Variants in LIPH observed in about 807,000 individuals in gnomAD.
LIPH encodes the protein lipase member H.
A neutral mutation model predicts 47.6 loss-of-function variants in LIPH; 32 were observed. That is an observed-to-expected ratio of 0.67 (90% confidence interval 0.51 to 0.90). LIPH has a LOEUF of 0.90. Among genes scored for constraint, LIPH ranks in the 40% least tolerant of loss-of-function variants. LIPH has a pLI of 0.00. For synonymous variants in LIPH, 190 were observed against 195.6 expected (o/e 0.97, Z 0.24); for missense variants, 497 against 541.4 (o/e 0.92, Z 0.81).
chr3:185,547,954 A>T (rs149921929), intron 1 of LIPH, among the ~76,000 whole-genome samples: 32 of 152,336 alleles, frequency 2.1e-4, no homozygotes, highest in African/African-American at 7.2e-4. Flanking sequence ...CAAGCTCATT[A>T]CACGTTGATG....
chr3:185,550,686 C>T (rs917450970), intron 1 of LIPH, among the ~76,000 whole-genome samples: 3 of 152,110 alleles, frequency 2.0e-5, no homozygotes, highest in Admixed American at 1.3e-4. Context: ...TCTCCTGTCT[C>T]AGCCTCCCGA....
intron 4 of LIPH, among the ~76,000 whole-genome samples, chr3:185,526,089 C>T (rs1319357835): frequency 1.3e-5 from 2 of 151,952 alleles, no homozygotes; most frequent in African/African-American, 2.4e-5. Context: ...CCGTGAAAGA[C>T]AGAAATGGGC....
intron 1 of LIPH, among the ~76,000 whole-genome samples, chr3:185,549,140 A>G (rs80343217): frequency 1.3e-5 from 2 of 151,732 alleles, no homozygotes; most frequent in East Asian, 2.0e-4. Context: ...AAAAAAAAAA[A>G]AAAAGAAAAT....
intron 3 of LIPH, among the ~76,000 whole-genome samples, chr3:185,528,798 T>C (rs150071099): frequency 6.6e-6 from 1 of 152,238 alleles, no homozygotes; most frequent in Non-Finnish European, 1.5e-5. Context: ...TTCCTCACTA[T>C]CACTACGAAG....
At chr3:185,521,220 G>A (rs1414848668) in intron 5 of LIPH, among the ~76,000 whole-genome samples, 1 of 152,130 alleles carries the variant, frequency 6.6e-6, no homozygotes, top group Non-Finnish European at 1.5e-5. Context: ...TTTTCTCAAT[G>A]TATGGACTTT....
intron 5 of LIPH, among the ~76,000 whole-genome samples, chr3:185,520,311 G>A (rs1484895511): frequency 1.3e-5 from 2 of 152,034 alleles, no homozygotes; most frequent in East Asian, 3.9e-4. Flanking sequence ...ATGAGGTCAG[G>A]AGTTCAAGAC....
chr3:185,540,959 T>C (rs1381052374), intron 1 of LIPH, among the ~76,000 whole-genome samples: 1 of 152,204 alleles, frequency 6.6e-6, no homozygotes, highest in African/African-American at 2.4e-5. Flanking sequence ...CTGATCTTTG[T>C]CAGAACAGCT....
In LIPH at chr3:185,529,965, GGAAAGAAAGAA is replaced by G. The variant is rs1560165322; in HGVS notation, c.527-2391_527-2381del. Among the ~76,000 whole-genome samples the G allele has an allele frequency of 6.6e-3, 677 of 103,040 alleles. 9 individuals carry two copies. Among genetic ancestry groups the G allele is most frequent in the African/African-American group, 0.021 (494 of 23,606 alleles). 67.6% of individuals were successfully genotyped at this position (103,040 alleles called of 152,430 possible). ...AAGAAAGAAAGAAAGAAAGAAAGAA[GGAAAGAAAGAA>G]AGAGAGAGAGAGAGAAAATAAGCAG... On this transcript the variant is annotated intron_variant, in intron 3 of 9. Transcript: ENST00000296252.
chr3:185,531,648 C>T (rs189033928), intron 3 of LIPH, among the ~76,000 whole-genome samples: 1 of 151,658 alleles, frequency 6.6e-6, no homozygotes, highest in African/African-American at 2.4e-5. Context: ...TGGGGGACCA[C>T]CGCAGGAGGA....
chr3:185,545,187 A>T (rs192893286), intron 1 of LIPH, among the ~76,000 whole-genome samples: 2 of 152,254 alleles, frequency 1.3e-5, no homozygotes. Context: ...TCTGAAATTC[A>T]ATTACTCTGA....
chr3:185,534,342 G>A (rs1024021906), intron 2 of LIPH, among the ~76,000 whole-genome samples: 6 of 150,906 alleles, frequency 4.0e-5, no homozygotes, highest in African/African-American at 1.2e-4. Context: ...GTGACAGAAC[G>A]AGATTCCGTC....
intron 7 of LIPH, among the ~76,000 whole-genome samples, chr3:185,515,307 T>TTA (rs1553820562): frequency 1.3e-4 from 19 of 145,948 alleles, no homozygotes; most frequent in African/African-American, 3.5e-4. Flanking sequence ...TGGGTTTTTT[T>TTA]AAAAAAAAAA....
intron 3 of LIPH, among the ~76,000 whole-genome samples, chr3:185,529,033 T>A (rs1577676899): frequency 1.4e-5 from 2 of 141,176 alleles, no homozygotes; most frequent in South Asian, 4.5e-4. Flanking sequence ...AAAAATTAGC[T>A]GGGTGTGGTG....
rs186138603 is a variant in LIPH, at chr3:185,508,171, C to G, written c.*619G>C. On this transcript the variant is annotated 3_prime_UTR_variant, in exon 10 of 10. Coordinates refer to ENST00000296252, the MANE Select transcript of LIPH (RefSeq NM_139248.3). ...TCTTGCCTTCCCTGAGCAAACAGCCCGAGAGAGAAGCTGGTGTTGATAGAG... is the reference window on the plus strand; with the variant it reads ...TCTTGCCTTCCCTGAGCAAACAGCCGGAGAGAGAAGCTGGTGTTGATAGAG... 1 of 154,494 alleles carries G rather than the reference C, an allele frequency of 6.5e-6. No individual in the cohort carries two copies. The highest frequency in any genetic ancestry group is 2.4e-5 in the African/African-American group (1 of 41,450). 9.6% of individuals were successfully genotyped at this position (154,494 alleles called of 1,614,324 possible).
intron 1 of LIPH, among the ~76,000 whole-genome samples, chr3:185,551,546 A>G (rs1445527009): frequency 1.3e-5 from 2 of 152,186 alleles, no homozygotes; most frequent in Non-Finnish European, 2.9e-5. Flanking sequence ...ATGTAGAAAC[A>G]TTTTGGTTAT....
chr3:185,532,329 T>G (rs1720355999), intron 3 of LIPH, among the ~76,000 whole-genome samples: 2 of 151,250 alleles, frequency 1.3e-5, no homozygotes, highest in African/African-American at 4.9e-5. Flanking sequence ...CTGGGCAACA[T>G]GGTAAGACTC....
chr3:185,522,195 C>T (rs1560160480), intron 5 of LIPH, among the ~76,000 whole-genome samples: 1 of 152,138 alleles, frequency 6.6e-6, no homozygotes, highest in African/African-American at 2.4e-5. Context: ...GACAACAAGC[C>T]GGACATAAGA....
chr3:185,551,780 A>T (rs75941430), intron 1 of LIPH, among the ~76,000 whole-genome samples: 6,390 of 152,226 alleles, frequency 0.042, 266 homozygotes, highest in East Asian at 0.24. Context: ...ACAAAACTGA[A>T]TACCTAAAAA....
At chr3:185,519,622 G>A (rs1193573792) in intron 5 of LIPH, among the ~76,000 whole-genome samples, 1 of 151,930 alleles carries the variant, frequency 6.6e-6, no homozygotes, top group African/African-American at 2.4e-5. Flanking sequence ...GATTGCCTGA[G>A]GTCAGGAGTT....
Sources: allele counts gnomAD v4.1 joint callset (sites outside exome capture counted in the v4.1 genomes callset), GRCh38; gene constraint gnomAD v4.1.1; transcripts MANE v1.5; gene names NCBI Gene and HGNC (gene_info 2026-07-23, HGNC 2026-07-21).